MBOAT1: variants seen among roughly 807,000 people sequenced by gnomAD.
The protein encoded by MBOAT1 is membrane-bound glycerophospholipid O-acyltransferase 1.
In MBOAT1, 67 loss-of-function variants were observed where a neutral mutation model predicts 64.4. The ratio of observed to expected loss-of-function variants is 1.04; its 90% CI spans 0.85 to 1.27. MBOAT1 has a LOEUF of 1.27. MBOAT1 is among the 50% of genes most tolerant of loss of function. The pLI, the probability that MBOAT1 is intolerant of heterozygous loss-of-function variation, is 0.00. For missense variants in MBOAT1, 563 were observed against 604.6 expected, an observed-to-expected ratio of 0.93 and a Z score of 0.72; for synonymous variants, 229 against 218.9, an observed-to-expected ratio of 1.05 and a Z score of -0.41.
At chr6:20,194,622 T>C (rs1472641762) in intron 1 of MBOAT1, among the ~76,000 whole-genome samples, 1 of 152,198 alleles carries the variant, frequency 6.6e-6, no homozygotes, top group Non-Finnish European at 1.5e-5. Flanking sequence ...CTACCACTGT[T>C]GATGCTGACT....
At chr6:20,103,969 C>A (rs1759878946) in intron 12 of MBOAT1, among the ~76,000 whole-genome samples, 2 of 152,180 alleles carry the variant, frequency 1.3e-5, no homozygotes, top group Admixed American at 1.3e-4. Context: ...AGAGCAACTT[C>A]CAGGCCTGCA....
intron 12 of MBOAT1, among the ~76,000 whole-genome samples, chr6:20,104,826 C>CA (rs1759904622): frequency 6.6e-6 from 1 of 152,224 alleles, no homozygotes; most frequent in South Asian, 2.1e-4. Context: ...CGAACAGAAG[C>CA]AAACATACAT....
At chr6:20,150,529 T>C (rs917548416) in intron 3 of MBOAT1, among the ~76,000 whole-genome samples, 6 of 151,710 alleles carry the variant, frequency 4.0e-5, no homozygotes, top group Non-Finnish European at 5.9e-5. Flanking sequence ...ACATTGAGTA[T>C]ACCGATCTTT....
At chr6:20,192,944 AC>A (rs1390131784) in intron 1 of MBOAT1, among the ~76,000 whole-genome samples, 1 of 147,824 alleles carries the variant, frequency 6.8e-6, no homozygotes, top group Non-Finnish European at 1.5e-5. Flanking sequence ...CAATTACACA[AC>A]CTGGATCTGA....
intron 1 of MBOAT1, among the ~76,000 whole-genome samples, chr6:20,203,390 T>G: frequency 6.6e-6 from 1 of 152,228 alleles, no homozygotes; most frequent in East Asian, 1.9e-4. Flanking sequence ...ATGTCATCTT[T>G]AAATAACTCA....
At chr6:20,120,673 A>G (rs966119227) in intron 8 of MBOAT1, among the ~76,000 whole-genome samples, 1 of 152,160 alleles carries the variant, frequency 6.6e-6, no homozygotes, top group African/African-American at 2.4e-5. Flanking sequence ...CATCTAAAAA[A>G]AAATTTAAAA....
intron 4 of MBOAT1, among the ~76,000 whole-genome samples, chr6:20,132,913 T>A (rs997715044): frequency 5.9e-5 from 9 of 152,220 alleles, no homozygotes; most frequent in Non-Finnish European, 1.0e-4. Context: ...TCAACGACAC[T>A]CATCCACTTC....
At chr6:20,188,806 CTT>C (rs1382920817) in intron 1 of MBOAT1, among the ~76,000 whole-genome samples, 2 of 152,084 alleles carry the variant, frequency 1.3e-5, no homozygotes, top group Non-Finnish European at 2.9e-5. Flanking sequence ...CTTGTGTAGT[CTT>C]TCTTATCTGT....
chr6:20,156,549 T>C (rs1373484054), intron 1 of MBOAT1, among the ~76,000 whole-genome samples: 1 of 152,196 alleles, frequency 6.6e-6, no homozygotes, highest in Admixed American at 6.5e-5. Context: ...TAGGATTGCT[T>C]TTCAGTGACC....
In MBOAT1 at chr6:20,126,599, T is replaced by C. The variant is rs1760659596; in HGVS notation, c.632A>G (p.Glu211Gly). The C allele has an allele frequency of 6.2e-7, 1 of 1,614,004 alleles. No individual in the cohort carries two copies. The highest frequency in any genetic ancestry group is 1.7e-5 in the Admixed American group (1 of 59,996). ...NNFKDYIAFI[E>G]GKHIHMKLLE... is the part of the protein sequence containing the mutation. Reference sequence around the variant, plus strand: ...CAACTTCATGTGTATATGCTTCCCCTCAATGAAGGCTATGTAGTCCTTGAA... The same window carrying C: ...CAACTTCATGTGTATATGCTTCCCCCCAATGAAGGCTATGTAGTCCTTGAA... Residue 211 changes from glutamate (E) to glycine (G), a missense_variant, in exon 7 of 13, where the codon GAG becomes GGG. Glu to Gly is a moderately conservative substitution (Grantham distance 98). Coordinates refer to ENST00000324607, the MANE Select transcript of MBOAT1 (RefSeq NM_001080480.3).
intron 1 of MBOAT1, among the ~76,000 whole-genome samples, chr6:20,195,192 A>G (rs1008581104): frequency 3.3e-5 from 5 of 152,166 alleles, no homozygotes; most frequent in Admixed American, 6.5e-5. Flanking sequence ...GGCACAAGTG[A>G]TCTGCCTGTC....
intron 3 of MBOAT1, among the ~76,000 whole-genome samples, chr6:20,147,694 C>T (rs1444915669): frequency 1.3e-5 from 2 of 151,310 alleles, no homozygotes; most frequent in Non-Finnish European, 2.9e-5. Flanking sequence ...TGGGTGTGTT[C>T]ACTTTGTGGA....
At chr6:20,144,642 G>T (rs910874375) in intron 3 of MBOAT1, among the ~76,000 whole-genome samples, 1 of 152,212 alleles carries the variant, frequency 6.6e-6, no homozygotes, top group African/African-American at 2.4e-5. Context: ...AGCCAGGGCT[G>T]GGAATCACTA....
intron 12 of MBOAT1, among the ~76,000 whole-genome samples, chr6:20,106,802 C>G (rs891555203): frequency 1.3e-5 from 2 of 152,082 alleles, no homozygotes; most frequent in African/African-American, 4.8e-5. Context: ...AGAAAATATC[C>G]TAGGTTGGAT....
At chr6:20,123,128 C>A (rs1158492075) in intron 8 of MBOAT1, among the ~76,000 whole-genome samples, 1 of 151,240 alleles carries the variant, frequency 6.6e-6, no homozygotes, top group African/African-American at 2.4e-5. Flanking sequence ...TTACACCCAG[C>A]CAAAAAAATT....
At chr6:20,165,971 T>A (rs1207904786) in intron 1 of MBOAT1, among the ~76,000 whole-genome samples, 1 of 151,802 alleles carries the variant, frequency 6.6e-6, no homozygotes, top group African/African-American at 2.4e-5. Flanking sequence ...AATGCTCATT[T>A]AAAAAAAATG....
intron 9 of MBOAT1, among the ~76,000 whole-genome samples, chr6:20,115,843 C>T (rs1371317982): frequency 6.6e-6 from 1 of 151,988 alleles, no homozygotes; most frequent in Non-Finnish European, 1.5e-5. Flanking sequence ...CCAATGTTTC[C>T]AATTGTTTCT....
intron 4 of MBOAT1, among the ~76,000 whole-genome samples, chr6:20,143,874 G>A (rs896851522): frequency 2.0e-5 from 3 of 152,188 alleles, no homozygotes; most frequent in African/African-American, 4.8e-5. Context: ...TGCAGGCCAC[G>A]TGGCTTTTCA....
chr6:20,211,930 T>TA (rs1262322163), intron 1 of MBOAT1, among the ~76,000 whole-genome samples: 1 of 148,434 alleles, frequency 6.7e-6, no homozygotes, highest in African/African-American at 2.5e-5. Flanking sequence ...TTTTCACACT[T>TA]ACAAGGAGAA....
Sources: gnomAD v4.1 joint callset for allele counts (sites outside exome capture counted in the v4.1 genomes callset) on GRCh38, gnomAD v4.1.1 for gene constraint, MANE v1.5 for transcripts, NCBI Gene and HGNC (gene_info 2026-07-23, HGNC 2026-07-21) for gene names.